Variants in SPATA22 observed in about 807,000 individuals in gnomAD.
The protein encoded by SPATA22 is spermatogenesis-associated protein 22.
SPATA22 carries 29 observed loss-of-function variants against 47.8 expected under a neutral mutation model. That is an observed-to-expected ratio of 0.61 (90% CI 0.45 to 0.83). The LOEUF is 0.83. Among genes scored for constraint, SPATA22 ranks in the 40% least tolerant of loss-of-function variants. The probability of loss-of-function intolerance (pLI) is 0.00; values close to 1 mark genes in which losing one functional copy is unlikely to be tolerated. For synonymous variants in SPATA22, 133 were observed against 140.9 expected (o/e 0.94, Z 0.40); for missense variants, 410 against 421.7 (o/e 0.97, Z 0.24).
At chr17:3,471,026 G>A (rs139485090) in intron 1 of SPATA22, among the ~76,000 whole-genome samples, 2,245 of 151,932 alleles carry the variant, frequency 0.015, 45 homozygotes, top group South Asian at 0.078. Flanking sequence ...ATGGTGGTGC[G>A]TGCCTGTAAT....
At chr17:3,460,195 T>C (rs1481704416) in intron 5 of SPATA22, among the ~76,000 whole-genome samples, 1 of 152,150 alleles carries the variant, frequency 6.6e-6, no homozygotes, top group East Asian at 1.9e-4. Context: ...ATCCACAATA[T>C]ATATTGAGCA....
intron 5 of SPATA22, among the ~76,000 whole-genome samples, chr17:3,450,191 C>T (rs1034191075): frequency 6.6e-6 from 1 of 152,002 alleles, no homozygotes; most frequent in African/African-American, 2.4e-5. Flanking sequence ...CTGGAAATAC[C>T]ACAAGTATCA....
intron 5 of SPATA22, among the ~76,000 whole-genome samples, chr17:3,449,414 C>T (rs979552128): frequency 6.6e-6 from 1 of 152,172 alleles, no homozygotes; most frequent in Non-Finnish European, 1.5e-5. Flanking sequence ...CCAGGAAATA[C>T]AAGATCTCCC....
At chr17:3,461,323 T>G (rs940765068) in intron 5 of SPATA22, among the ~76,000 whole-genome samples, 2 of 152,242 alleles carry the variant, frequency 1.3e-5, no homozygotes, top group African/African-American at 4.8e-5. Flanking sequence ...CTTCAGCAGA[T>G]TACCAACTGC....
chr17:3,470,643 C>A (rs2073408284), intron 1 of SPATA22, among the ~76,000 whole-genome samples: 1 of 151,476 alleles, frequency 6.6e-6, no homozygotes, highest in Non-Finnish European at 1.5e-5. Flanking sequence ...CCCAGCTACT[C>A]GTGAGGCTGA....
chr17:3,493,041 T>A (rs2073850352), intron 1 of SPATA22, among the ~76,000 whole-genome samples: 1 of 152,174 alleles, frequency 6.6e-6, no homozygotes, highest in Non-Finnish European at 1.5e-5. Context: ...AAAGGAAGGC[T>A]TTCCTTTGAG....
intron 1 of SPATA22, among the ~76,000 whole-genome samples, chr17:3,484,470 G>A (rs2073685537): frequency 1.3e-5 from 2 of 152,156 alleles, no homozygotes; most frequent in South Asian, 4.1e-4. Context: ...ATGGATCACA[G>A]AAGGCCCAAA....
At chr17:3,464,804 T>C (rs1305586640) in intron 3 of SPATA22, among the ~76,000 whole-genome samples, 1 of 119,432 alleles carries the variant, frequency 8.4e-6, no homozygotes, top group Non-Finnish European at 1.8e-5. Context: ...GTCTGAGAAG[T>C]GAGGAGCCCC....
intron 1 of SPATA22, among the ~76,000 whole-genome samples, chr17:3,479,599 A>G (rs2073592478): frequency 6.6e-6 from 1 of 151,552 alleles, no homozygotes; most frequent in African/African-American, 2.4e-5. Context: ...CCACCTTCCC[A>G]CTGCACCATC....
intron 1 of SPATA22, chr17:3,489,432 A>C: frequency 9.0e-7 from 1 of 1,117,066 alleles, no homozygotes; most frequent in Non-Finnish European, 1.4e-6. Context: ...CATGCTAAAG[A>C]TATGAAGTGC....
chr17:3,443,737 A>C (rs1400334011), intron 7 of SPATA22, among the ~76,000 whole-genome samples: 1 of 152,022 alleles, frequency 6.6e-6, no homozygotes, highest in Admixed American at 6.6e-5. Context: ...CTGGGTATTA[A>C]ATTTATTTTT....
intron 3 of SPATA22, among the ~76,000 whole-genome samples, chr17:3,465,341 G>C (rs1369949958): frequency 6.6e-6 from 1 of 152,050 alleles, no homozygotes; most frequent in Non-Finnish European, 1.5e-5. Context: ...TAGAAAGCGG[G>C]GAAAGGTGGG....
chr17:3,482,537 AC>A (rs2073648883), intron 1 of SPATA22, among the ~76,000 whole-genome samples: 1 of 150,984 alleles, frequency 6.6e-6, no homozygotes, highest in South Asian at 2.1e-4. Flanking sequence ...TCCTTCACTA[AC>A]CTTAGACAAA....
At chr17:3,502,843 C>A (rs56083236) in intron 1 of SPATA22, 21,603 of 152,260 alleles carry the variant, frequency 0.14, 1,685 homozygotes, top group African/African-American at 0.19. Flanking sequence ...CCCTTATTCG[C>A]AGGCAAGGTG....
At chr17:3,491,818 G>A (rs2073830441) in intron 1 of SPATA22, among the ~76,000 whole-genome samples, 1 of 151,422 alleles carries the variant, frequency 6.6e-6, no homozygotes, top group Non-Finnish European at 1.5e-5. Context: ...GACCCAGAGG[G>A]CAGAAGAGAA....
intron 1 of SPATA22, among the ~76,000 whole-genome samples, chr17:3,509,649 A>C (rs1461491487): frequency 6.6e-6 from 1 of 152,212 alleles, no homozygotes; most frequent in African/African-American, 2.4e-5. Context: ...TCTTTATAGT[A>C]GAATGATTTA....
intron 1 of SPATA22, among the ~76,000 whole-genome samples, chr17:3,491,978 A>G (rs1031343440): frequency 1.3e-5 from 2 of 149,470 alleles, no homozygotes; most frequent in African/African-American, 2.5e-5. Flanking sequence ...CCTGGGCTCA[A>G]GCAATCCTCC....
At chr17:3,504,634 C>T (rs1459454795) in intron 1 of SPATA22, among the ~76,000 whole-genome samples, 10 of 151,574 alleles carry the variant, frequency 6.6e-5, no homozygotes, top group Non-Finnish European at 7.4e-5. Context: ...CTCGGCTCAC[C>T]GCAACCTCTG....
chr17:3,448,910 C>G lies in SPATA22; in HGVS notation c.569G>C (p.Gly190Ala). The G allele has an allele frequency of 6.2e-7, 1 of 1,613,746 alleles. No individual in the cohort carries two copies. The highest frequency in any genetic ancestry group is 8.5e-7 in the Non-Finnish European group (1 of 1,179,900). The change falls in exon 6 of 9, where the codon GGG (glycine) becomes GCG (alanine). Residue 190 changes from glycine to alanine, a missense_variant. Gly to Ala is a moderately conservative substitution (Grantham distance 60). Coordinates refer to ENST00000572969, the MANE Select transcript of SPATA22 (RefSeq NM_001170698.2). ...CTGTAGTGCACTGTTTTTGTCTAGC[C>G]CTCTCATTGTGCAGCCAGATATTTT... ...SSKISGCTMRGLDKNSALQTL... is the reference protein window; with the variant it reads ...SSKISGCTMRALDKNSALQTL...
Sources: allele counts gnomAD v4.1 joint callset (sites outside exome capture counted in the v4.1 genomes callset), GRCh38; gene constraint gnomAD v4.1.1; transcripts MANE v1.5; gene names NCBI Gene and HGNC (gene_info 2026-07-23, HGNC 2026-07-21).